The following HDAC9 variants were observed in gnomAD, a reference collection of about 807,000 sequenced individuals.
The protein encoded by HDAC9 is MEF-2 interacting transcription repressor (MITR) protein.
HDAC9 carries 41 observed loss-of-function variants against 139.4 expected under a neutral mutation model. The ratio of observed to expected loss-of-function variants is 0.29; its 90% CI spans 0.23 to 0.38. The LOEUF (loss-of-function observed/expected upper bound fraction) is 0.38, where lower values mean the gene tolerates loss of function less well. Ranked by LOEUF, HDAC9 falls within the 10% of genes least tolerant of loss-of-function variation. The pLI is 1.00. For missense variants in HDAC9, 1,147 were observed against 1,297.0 expected (o/e 0.88, Z 1.78); for synonymous variants, 517 against 476.2 (o/e 1.09, Z -1.12).
chr7:18,557,540 T>TAC (rs1819219611), intron 2 of HDAC9, among the ~76,000 whole-genome samples: 1 of 151,028 alleles, frequency 6.6e-6, no homozygotes, highest in South Asian at 2.1e-4. Flanking sequence ...TTATGGAGAA[T>TAC]ACACAGAATC....
intron 14 of HDAC9, among the ~76,000 whole-genome samples, chr7:18,751,874 G>A (rs1302637496): frequency 1.3e-5 from 2 of 151,910 alleles, no homozygotes; most frequent in African/African-American, 4.8e-5. Context: ...AATAAAAAGG[G>A]AACACACAGA....
chr7:18,392,581 T>C (rs1786634091), intron 1 of HDAC9, among the ~76,000 whole-genome samples: 2 of 152,162 alleles, frequency 1.3e-5, no homozygotes, highest in Non-Finnish European at 2.9e-5. Context: ...GCACCTTTTC[T>C]GACATCTGCA....
chr7:18,512,402 A>G lies in HDAC9; in HGVS notation c.22+16078A>G, dbSNP rs560472492. Among the ~76,000 whole-genome samples, 3 of 152,328 alleles carry G rather than the reference A, an allele frequency of 2.0e-5. No individual in the cohort carries two copies. The South Asian group carries it at 6.2e-4, about 32-fold the overall frequency. ...AAAAAACAACCAAACACAAAATGTA[A>G]TAGTGCTAGCATTTACATGGCAAAT... On this transcript the variant is annotated intron_variant, in intron 2 of 25. Transcript: ENST00000686413.
intron 2 of HDAC9, among the ~76,000 whole-genome samples, chr7:18,516,860 C>CAGAA (rs1803371454): frequency 1.2e-5 from 1 of 81,584 alleles, no homozygotes; most frequent in African/African-American, 4.9e-5. Context: ...GACTCCATTT[C>CAGAA]AGAAAAAAAA....
intron 2 of HDAC9, among the ~76,000 whole-genome samples, chr7:18,219,750 T>A (rs1584700233): frequency 1.3e-5 from 2 of 152,330 alleles, no homozygotes; most frequent in East Asian, 3.9e-4. Flanking sequence ...TTTTCTGGAT[T>A]TCCAAAAAAC....
At chr7:18,191,365 A>G (rs1790338858) in intron 2 of HDAC9, among the ~76,000 whole-genome samples, 1 of 152,230 alleles carries the variant, frequency 6.6e-6, no homozygotes, top group Admixed American at 6.5e-5. Flanking sequence ...GGATGAAATA[A>G]TGTAATAAGA....
At chr7:18,917,549 T>C (rs1215156848) in intron 22 of HDAC9, among the ~76,000 whole-genome samples, 1 of 151,710 alleles carries the variant, frequency 6.6e-6, no homozygotes, top group Non-Finnish European at 1.5e-5. Flanking sequence ...AGAGTTCCTC[T>C]TGAGTGGTAA....
chr7:18,168,880 T>G (rs982052125), intron 2 of HDAC9, among the ~76,000 whole-genome samples: 4 of 80,134 alleles, frequency 5.0e-5, no homozygotes, highest in Non-Finnish European at 7.5e-5. Flanking sequence ...AAATGTCTTG[T>G]TTTTTTTTTT....
intron 21 of HDAC9, among the ~76,000 whole-genome samples, chr7:18,860,169 G>T (rs906148723): frequency 3.3e-5 from 5 of 151,646 alleles, no homozygotes; most frequent in African/African-American, 1.2e-4. Flanking sequence ...CAAAAAATAG[G>T]CACATAATTA....
intron 22 of HDAC9, among the ~76,000 whole-genome samples, chr7:18,915,336 T>G (rs959395752): frequency 6.6e-6 from 1 of 152,046 alleles, no homozygotes; most frequent in Non-Finnish European, 1.5e-5. Context: ...TGCTATGGCT[T>G]TTATCAAAAA....
At chr7:18,642,353 C>T (rs1318169589) in intron 8 of HDAC9, among the ~76,000 whole-genome samples, 1 of 152,062 alleles carries the variant, frequency 6.6e-6, no homozygotes, top group Non-Finnish European at 1.5e-5. Flanking sequence ...AAGCCACCAC[C>T]ATTCTCCCTA....
chr7:18,472,412 C>G (rs1409511708), intron 1 of HDAC9, among the ~76,000 whole-genome samples: 1 of 152,080 alleles, frequency 6.6e-6, no homozygotes, highest in Non-Finnish European at 1.5e-5. Flanking sequence ...CAATTTATGT[C>G]CCCATCTCCC....
At chr7:18,404,539 T>C (rs889205870) in intron 1 of HDAC9, among the ~76,000 whole-genome samples, 1 of 152,242 alleles carries the variant, frequency 6.6e-6, no homozygotes, top group Non-Finnish European at 1.5e-5. Flanking sequence ...ATATAATTAC[T>C]AATGTTGAAT....
chr7:18,657,966 A>G (rs6973063), intron 11 of HDAC9, among the ~76,000 whole-genome samples: 58,836 of 151,688 alleles, frequency 0.39, 14,926 homozygotes, highest in African/African-American at 0.71. Flanking sequence ...CTTATCTTTG[A>G]GGAATCTCCT....
At chr7:18,595,899 A>G (rs951612962) in intron 6 of HDAC9, among the ~76,000 whole-genome samples, 2 of 152,092 alleles carry the variant, frequency 1.3e-5, no homozygotes, top group Non-Finnish European at 2.9e-5. Context: ...TTCCTCTGTG[A>G]AGAATAAATA....
chr7:18,747,337 A>T lies in HDAC9; in HGVS notation c.1910-1668A>T, dbSNP rs527683255. ...GCAATCTCAGAAGTCCAGATTAGAG[A>T]TAATAACACCTTGGATTGTGTATGG... On this transcript the variant is annotated intron_variant, in intron 13 of 25. Coordinates refer to ENST00000686413, the MANE Select transcript of HDAC9 (RefSeq NM_178425.4). Among the ~76,000 whole-genome samples, 4 of 152,284 alleles carry T rather than the reference A, an allele frequency of 2.6e-5. No homozygotes were observed. The East Asian group carries it at 7.7e-4, about 29-fold the overall frequency.
intron 2 of HDAC9, among the ~76,000 whole-genome samples, chr7:18,174,925 A>T (rs1325664838): frequency 3.3e-5 from 5 of 152,196 alleles, no homozygotes; most frequent in Non-Finnish European, 5.9e-5. Context: ...GACCCACTTG[A>T]GGAGGCAGTC....
At chr7:18,168,897 T>TTTGTGTGTG (rs1351720169) in intron 2 of HDAC9, among the ~76,000 whole-genome samples, 1 of 94,338 alleles carries the variant, frequency 1.1e-5, no homozygotes, top group South Asian at 3.8e-4. Context: ...TTTTTTTTTT[T>TTTGTGTGTG]TGTGTGTGTG....
At chr7:18,255,689 C>T (rs1339461801) in intron 2 of HDAC9, among the ~76,000 whole-genome samples, 4 of 136,474 alleles carry the variant, frequency 2.9e-5, no homozygotes, top group South Asian at 2.4e-4. Flanking sequence ...CGCGCGGTGA[C>T]GTGATTTCGG....
Sources: gnomAD v4.1 joint callset for allele counts (sites outside exome capture counted in the v4.1 genomes callset) on GRCh38, gnomAD v4.1.1 for gene constraint, MANE v1.5 for transcripts, NCBI Gene and HGNC (gene_info 2026-07-23, HGNC 2026-07-21) for gene names.